OTOG: variants seen among roughly 807,000 people sequenced by gnomAD.
The protein encoded by OTOG is otogelin.
OTOG carries 296 observed loss-of-function variants against 313.8 expected under a neutral mutation model. That is an observed-to-expected ratio of 0.94 (90% CI 0.86 to 1.04). The LOEUF (loss-of-function observed/expected upper bound fraction) is 1.04. OTOG is among the 50% of genes least tolerant of loss of function. OTOG has a pLI of 0.00. For synonymous variants in OTOG, 1,533 were observed against 1,554.9 expected (o/e 0.99, Z 0.33); for missense variants, 3,948 against 3,840.1 (o/e 1.03, Z -0.74).
rs1590066069 is a variant in OTOG at position 17,646,007 on chromosome 11, C to G, written c.*63C>G. 1 of 1,484,578 alleles carries G rather than the reference C, an allele frequency of 6.7e-7. No homozygotes were observed. Among genetic ancestry groups the G allele is most frequent in the East Asian group, 2.5e-5 (1 of 40,606 alleles). The allele number at this position is 1,484,578 out of a possible 1,614,324, so 92.0% of individuals were successfully genotyped here. On this transcript the variant is annotated 3_prime_UTR_variant, in exon 56 of 56. Coordinates refer to ENST00000399397, the MANE Select transcript of OTOG (RefSeq NM_001292063.2). Reference sequence around the variant, plus strand: ...GCCCCACTTTCTGTTTCCAGCTGGCCCAATGTGAATGGGGGTATTAAAGGT... The same window carrying G: ...GCCCCACTTTCTGTTTCCAGCTGGCGCAATGTGAATGGGGGTATTAAAGGT...
At position 17,635,631 on chromosome 11, in the gene OTOG, C is replaced by T. The variant is rs1854246548; in HGVS notation, c.7715C>T (p.Ser2572Phe). ...TCAGCCTGTGGTGACTGTCCAGACT[C>T]CATCCCCGAATGTCAAGAAGGGGAG... is the stretch of plus-strand genomic sequence containing the variant. ...YFCACGDCPD[S>F]IPECQEGEAL... The change falls in exon 47 of 56, where the codon TCC (serine) becomes TTC (phenylalanine). Residue 2572 changes from serine (S) to phenylalanine (F), a missense_variant. Physicochemically the swap from Ser to Phe is radical, Grantham distance 155. Transcript: ENST00000399397. 6.4e-7 allele frequency: 1 copy of T among 1,550,416 alleles called. No individual in the cohort carries two copies. Among genetic ancestry groups the T allele is most frequent in the South Asian group, 1.2e-5 (1 of 84,066 alleles).
chr11:17,586,774 T>C (rs1852803619), intron 24 of OTOG, among the ~76,000 whole-genome samples, 193 bp downstream of exon 24: 1 of 152,246 alleles, frequency 6.6e-6, no homozygotes, highest in Non-Finnish European at 1.5e-5. Context: ...ATTTTTGTTT[T>C]TACATGAGTA....
chr11:17,560,956 A>C, intron 13 of OTOG, 135 bp from the exon 14 acceptor site: 1 of 1,224,708 alleles, frequency 8.2e-7, no homozygotes, highest in Non-Finnish European at 1.2e-6. Context: ...GTCTCATTAG[A>C]TCCAATCCAT....
At chr11:17,612,357 C>T (rs1478061843) in intron 37 of OTOG, 27 bp downstream of exon 37, 9 of 1,505,092 alleles carry the variant, frequency 6.0e-6, no homozygotes, top group Non-Finnish European at 6.2e-6. Flanking sequence ...GCGGAGCCTC[C>T]TGCATCCTCC....
chr11:17,620,707 A>G (rs1424524901), intron 39 of OTOG, among the ~76,000 whole-genome samples: 1 of 151,922 alleles, frequency 6.6e-6, no homozygotes, highest in Non-Finnish European at 1.5e-5. Context: ...TAGGCCTGGT[A>G]ATTCATTTCT....
chr11:17,596,204 T>C, intron 29 of OTOG, 50 bp downstream of exon 29: 1 of 1,331,068 alleles, frequency 7.5e-7, no homozygotes. Context: ...TCCACTGTCC[T>C]GGGATCCCTT....
At chr11:17,612,844 G>A (rs1853596333) in intron 38 of OTOG, 79 bp downstream of exon 38, 13 of 1,450,892 alleles carry the variant, frequency 9.0e-6, no homozygotes, top group Admixed American at 2.2e-5. Context: ...CAGTGAGCCA[G>A]GGTACCAGAG....
intron 25 of OTOG, among the ~76,000 whole-genome samples, chr11:17,592,846 C>T (rs1852982316): frequency 6.6e-6 from 1 of 152,202 alleles, no homozygotes; most frequent in African/African-American, 2.4e-5. Context: ...TTAAAATATT[C>T]AATGCCAGCA....
chr11:17,560,744 G>A lies in OTOG; in HGVS notation c.1378G>A (p.Ala460Thr). ...IFEDGGCVAP[A>T]ECPCEFHGTL... ...CGAGGATGGGGGCTGCGTGGCACCA[G>A]CTGAGTGTCCCTGTGAGTTTCACGG... Residue 460 changes from alanine to threonine, a missense_variant, in exon 13 of 56, where the codon GCT becomes ACT. Ala to Thr is a moderately conservative substitution (Grantham distance 58, BLOSUM62 0). Transcript: ENST00000399397. 6.4e-7 allele frequency: 1 copy of A among 1,550,682 alleles called. No homozygotes were observed.
At position 17,602,284 on chromosome 11, in the gene OTOG, G is replaced by C; in HGVS notation, c.3784G>C (p.Asp1262His). ...GALVGMKAVG[D>H]DIVLVRTEDV... ...TCTGGTGGGCATGAAGGCGGTGGGC[G>C]ATGACATAGTCCTAGTGAGGACAGA... Residue 1262 changes from aspartate to histidine, a missense_variant, in exon 32 of 56, where the codon GAT becomes CAT. By Grantham distance (81) the Asp-to-His change is moderately conservative. Transcript: ENST00000399397. 1 of 1,550,618 alleles carries C rather than the reference G, an allele frequency of 6.4e-7. No individual in the cohort carries two copies. Among genetic ancestry groups the C allele is most frequent in the Non-Finnish European group, 8.7e-7 (1 of 1,146,972 alleles).
rs986551814 is a variant in OTOG, at chr11:17,552,627, G to C, written c.293-492G>C. On this transcript the variant is annotated intron_variant, in intron 4 of 55. Transcript: ENST00000399397. ...CCCCCACCTGTCCTCTCACATCATG[G>C]CTCCTTTCCTCGCTGCCCTCTGCTC... Among the ~76,000 whole-genome samples the C allele has an allele frequency of 6.1e-4, 21 of 34,194 alleles. No homozygotes were observed. In the African/African-American group the frequency reaches 6.6e-3, roughly 11 times the overall value. 22.4% of individuals were successfully genotyped at this position (34,194 alleles called of 152,430 possible). A position where few individuals can be genotyped will look rare whatever the true frequency, so the allele number is the denominator to read the frequency against.
rs769465159 is a variant in OTOG at position 17,631,693 on chromosome 11, C to T, written c.6713-9C>T. 5.2e-6 allele frequency: 8 copies of T among 1,547,104 alleles called. No homozygotes were observed. Among genetic ancestry groups the T allele is most frequent in the African/African-American group, 1.4e-5 (1 of 72,942 alleles). On this transcript the variant is annotated splice_polypyrimidine_tract_variant and intron_variant, in intron 40 of 55. Coordinates refer to ENST00000399397, the MANE Select transcript of OTOG (RefSeq NM_001292063.2). ...ATCGTGGCTGTTGGGATTGTTTGGCCCCTTTCAGGTATCTGTGATGGAGAT... is the reference window on the plus strand; with the variant it reads ...ATCGTGGCTGTTGGGATTGTTTGGCTCCTTTCAGGTATCTGTGATGGAGAT...
chr11:17,553,055 G>C (rs1307162005), intron 4 of OTOG, 64 bp from the exon 5 acceptor site: 8 of 1,469,486 alleles, frequency 5.4e-6, no homozygotes, highest in Non-Finnish European at 5.6e-6. Flanking sequence ...GCCTGAGAGG[G>C]CTGCCTCCCT....
In OTOG at chr11:17,611,306, G is replaced by A. The variant is rs554657199; in HGVS notation, c.6006G>A (p.Pro2002=). 5.0e-5 allele frequency: 77 copies of A among 1,550,518 alleles called. No homozygotes were observed. Among genetic ancestry groups the A allele is most frequent in the African/African-American group, 3.8e-4 (28 of 73,172 alleles). ...TSAGPHLAAE[P]VDEATTEPSG... is the part of the protein sequence containing the mutation. ...CAGGGCCTCACCTGGCAGCAGAGCC[G>A]GTGGACGAGGCCACCACAGAACCAT... The change falls in exon 36 of 56, where the codon CCG becomes CCA. Residue 2002 remains proline (P), a synonymous_variant. Coordinates refer to ENST00000399397, the MANE Select transcript of OTOG (RefSeq NM_001292063.2).
chr11:17,632,590 G>A (rs555952175), intron 42 of OTOG, among the ~76,000 whole-genome samples: 4 of 152,182 alleles, frequency 2.6e-5, no homozygotes, highest in Non-Finnish European at 4.4e-5. Context: ...AATGTGTTCC[G>A]AGTGCTCACA....
At position 17,574,870 on chromosome 11, in the gene OTOG, C is replaced by CGGACACCTATCT; in HGVS notation, c.2452_2463dup (p.Tyr818_Thr821dup). The CGGACACCTATCT allele has an allele frequency of 6.5e-7, 1 of 1,541,660 alleles. No homozygotes were observed. The highest frequency in any genetic ancestry group is 8.8e-7 in the Non-Finnish European group (1 of 1,142,086). ...TGTGTGGAGGGCTGTGCCTGCCCAC[C>CGGACACCTATCT]GGACACCTATCTGGACACCCAGGCT... On this transcript the variant is annotated inframe_insertion, in exon 20 of 56. Transcript: ENST00000399397.
chr11:17,553,357 T>C lies in OTOG; in HGVS notation c.386-8T>C. On this transcript the variant is annotated splice_polypyrimidine_tract_variant and splice_region_variant and intron_variant, in intron 5 of 55. Coordinates refer to ENST00000399397, the MANE Select transcript of OTOG (RefSeq NM_001292063.2). ...CTACACAGAGAGGTTCTCTTTTCTC[T>C]CCCTCAGTGTACAATGCCGGCCCTG... The C allele has an allele frequency of 6.8e-7, 1 of 1,467,434 alleles. No individual in the cohort carries two copies. Among genetic ancestry groups the C allele is most frequent in the Non-Finnish European group, 9.0e-7 (1 of 1,105,854 alleles). The allele number at this position is 1,467,434 out of a possible 1,614,324, so 90.9% of individuals were successfully genotyped here.
At chr11:17,640,368 A>G (rs1847943895) in intron 49 of OTOG, among the ~76,000 whole-genome samples, 2 of 152,180 alleles carry the variant, frequency 1.3e-5, no homozygotes, top group Non-Finnish European at 1.5e-5. Context: ...ATACTTTAAG[A>G]AATGTGAAGT....
At chr11:17,583,060 G>C (rs1465299661) in intron 23 of OTOG, among the ~76,000 whole-genome samples, 1 of 151,702 alleles carries the variant, frequency 6.6e-6, no homozygotes, top group African/African-American at 2.4e-5. Context: ...AGTCCTCAAG[G>C]TTGCAAAGAT....
Sources: allele counts gnomAD v4.1 joint callset (sites outside exome capture counted in the v4.1 genomes callset), GRCh38; gene constraint gnomAD v4.1.1; transcripts MANE v1.5; gene names NCBI Gene and HGNC (gene_info 2026-07-23, HGNC 2026-07-21).